Variants in JMJD1C observed in about 807,000 individuals in gnomAD.
JMJD1C encodes the protein jumonji domain containing 1C, also known as jumonji domain-containing protein 1C.
A neutral mutation model predicts 245.3 loss-of-function variants in JMJD1C; 31 were observed. The observed-to-expected ratio is 0.13, with a 90% CI of 0.09 to 0.17. The LOEUF is 0.17. JMJD1C is among the 10% of genes least tolerant of loss of function. The pLI is 1.00. For missense variants in JMJD1C, 2,691 were observed against 3,000.2 expected, an observed-to-expected ratio of 0.90 and a Z score of 2.41; for synonymous variants, 1,057 against 1,017.4, an observed-to-expected ratio of 1.04 and a Z score of -0.74.
chr10:63,326,375 A>G (rs560223821), intron 2 of JMJD1C, among the ~76,000 whole-genome samples: 1 of 140,260 alleles, frequency 7.1e-6, no homozygotes, highest in Admixed American at 7.6e-5. Flanking sequence ...GCGCAATTCC[A>G]TCTCAAAAAT....
intron 2 of JMJD1C, among the ~76,000 whole-genome samples, chr10:63,337,574 AAAAG>A (rs1423213023): frequency 0.018 from 1,263 of 70,900 alleles, 62 homozygotes; most frequent in African/African-American, 0.075. Context: ...AAAAGAAAAG[AAAAG>A]AAAAGAAAAG....
In JMJD1C at chr10:63,291,995, G is replaced by C. The variant is rs1221215319; in HGVS notation, c.334-27231C>G. ...AGACAGGGTCCCACTCTGTTGCCTA[G>C]GCTGGAGTGTCATGGCACGATCACA... is the stretch of plus-strand genomic sequence containing the variant. On this transcript the variant is annotated intron_variant, in intron 2 of 25. Transcript: ENST00000399262. Among the ~76,000 whole-genome samples, 6 of 151,958 alleles carry C rather than the reference G, an allele frequency of 3.9e-5. No individual in the cohort carries two copies. In the East Asian group the frequency reaches 1.2e-3, roughly 29 times the overall value.
At chr10:63,316,377 T>C (rs1238300673) in intron 2 of JMJD1C, among the ~76,000 whole-genome samples, 2 of 152,346 alleles carry the variant, frequency 1.3e-5, no homozygotes, top group East Asian at 3.9e-4. Flanking sequence ...TTGGTTATGA[T>C]GTGGCTTCTT....
At chr10:63,197,339 C>A (rs1473283137) in intron 13 of JMJD1C, 72 bp downstream of exon 13, 4 of 1,279,506 alleles carry the variant, frequency 3.1e-6, no homozygotes, top group African/African-American at 1.6e-5. Context: ...AAAAACACAT[C>A]TCATGTTCTA....
chr10:63,217,686 G>C (rs1316983343), intron 4 of JMJD1C: 2 of 155,476 alleles, frequency 1.3e-5, no homozygotes, highest in African/African-American at 2.4e-5. Flanking sequence ...TGACTACATG[G>C]TTGAAACAGA....
intron 24 of JMJD1C, among the ~76,000 whole-genome samples, chr10:63,175,706 A>C (rs1360917019): frequency 6.6e-6 from 1 of 152,206 alleles, no homozygotes; most frequent in Non-Finnish European, 1.5e-5. Flanking sequence ...TTAAGGGTTA[A>C]CCTGGGCTGT....
intron 1 of JMJD1C, among the ~76,000 whole-genome samples, chr10:63,461,285 G>A (rs938125288): frequency 1.3e-5 from 2 of 152,092 alleles, no homozygotes; most frequent in African/African-American, 4.8e-5. Flanking sequence ...TATCAAGATC[G>A]TATTGACCAA....
At chr10:63,285,192 C>T (rs1263269794) in intron 2 of JMJD1C, among the ~76,000 whole-genome samples, 1 of 152,138 alleles carries the variant, frequency 6.6e-6, no homozygotes, top group Non-Finnish European at 1.5e-5. Context: ...AGTCATGTAG[C>T]ACGCACGACA....
chr10:63,343,736 T>A (rs560631355), intron 2 of JMJD1C, among the ~76,000 whole-genome samples: 22 of 152,136 alleles, frequency 1.4e-4, no homozygotes, highest in Non-Finnish European at 2.6e-4. Flanking sequence ...CAATTATTTT[T>A]AAAAAAAATT....
intron 3 of JMJD1C, among the ~76,000 whole-genome samples, chr10:63,259,599 T>A (rs1404864302): frequency 6.6e-6 from 1 of 152,166 alleles, no homozygotes; most frequent in East Asian, 1.9e-4. Flanking sequence ...TAAAATGGAT[T>A]CAAACTGGAA....
In JMJD1C at chr10:63,189,154, C is replaced by T; in HGVS notation, c.6570+14G>A. 2 of 1,586,494 alleles carry T rather than the reference C, an allele frequency of 1.3e-6. No individual in the cohort carries two copies. The highest frequency in any genetic ancestry group is 1.7e-6 in the Non-Finnish European group (2 of 1,167,742). On this transcript the variant is annotated intron_variant, in intron 18 of 25. Transcript: ENST00000399262. The stretch of plus-strand genomic sequence containing the variant: ...TTCCACCAAGAGTGTTCTTTATCAG[C>T]CTAAAATACACACCTGTCCTTGTTT...
intron 2 of JMJD1C, among the ~76,000 whole-genome samples, chr10:63,336,583 GAATA>G (rs1942757083): frequency 1.3e-5 from 2 of 152,030 alleles, no homozygotes; most frequent in South Asian, 4.2e-4. Flanking sequence ...AAAATCTATA[GAATA>G]AATAAAAAAG....
chr10:63,444,682 A>G lies in JMJD1C; in HGVS notation c.168+20813T>C, dbSNP rs1951596486. Among the ~76,000 whole-genome samples, 4 of 146,598 alleles carry G rather than the reference A, an allele frequency of 2.7e-5. No individual in the cohort carries two copies. The South Asian group carries it at 8.7e-4, about 32-fold the overall frequency. ...CTCTTGCTGCCCGGGCTGGAGTGCAATAACACGATCTCAGCTCACTGCAAC... is the reference window on the plus strand; with the variant it reads ...CTCTTGCTGCCCGGGCTGGAGTGCAGTAACACGATCTCAGCTCACTGCAAC... On this transcript the variant is annotated intron_variant, in intron 1 of 25. Transcript: ENST00000399262.
intron 1 of JMJD1C, among the ~76,000 whole-genome samples, chr10:63,419,676 T>C (rs2132726583): frequency 6.6e-6 from 1 of 152,068 alleles, no homozygotes; most frequent in African/African-American, 2.4e-5. Flanking sequence ...GGAGCAAAAG[T>C]AACCCAGAAT....
At chr10:63,276,465 CAAAAAAAAAA>C (rs551525973) in intron 2 of JMJD1C, among the ~76,000 whole-genome samples, 2 of 93,750 alleles carry the variant, frequency 2.1e-5, no homozygotes, top group African/African-American at 8.2e-5. Context: ...GATTCCGTCT[CAAAAAAAAAA>C]AAAAAAAAAG....
At chr10:63,357,864 C>CAG (rs1280824791) in intron 2 of JMJD1C, among the ~76,000 whole-genome samples, 20 of 128,462 alleles carry the variant, frequency 1.6e-4, no homozygotes, top group African/African-American at 5.7e-4. Context: ...CACACACACA[C>CAG]ACAGAGACAA....
At chr10:63,385,062 T>C (rs1283145707) in intron 1 of JMJD1C, among the ~76,000 whole-genome samples, 1 of 152,158 alleles carries the variant, frequency 6.6e-6, no homozygotes, top group African/African-American at 2.4e-5. Context: ...AATTTCAATA[T>C]TATTGTGTCT....
At chr10:63,386,460 C>A (rs1947598277) in intron 1 of JMJD1C, among the ~76,000 whole-genome samples, 1 of 152,222 alleles carries the variant, frequency 6.6e-6, no homozygotes, top group Non-Finnish European at 1.5e-5. Flanking sequence ...AGTGCCTGCA[C>A]AAACAATCAG....
intron 1 of JMJD1C, among the ~76,000 whole-genome samples, chr10:63,416,626 A>G (rs943956102): frequency 9.9e-5 from 15 of 152,190 alleles, no homozygotes; most frequent in Admixed American, 8.5e-4. Context: ...CATGGAACCA[A>G]TCAATGGAAT....
Sources: gnomAD v4.1 joint callset for allele counts (sites outside exome capture counted in the v4.1 genomes callset) on GRCh38, gnomAD v4.1.1 for gene constraint, MANE v1.5 for transcripts, NCBI Gene and HGNC (gene_info 2026-07-23, HGNC 2026-07-21) for gene names.